CFAP99: variants seen among roughly 807,000 people sequenced by gnomAD.
The protein encoded by CFAP99 is cilia- and flagella-associated protein 99.
A neutral mutation model predicts 82.7 loss-of-function variants in CFAP99; 84 were observed. The ratio of observed to expected loss-of-function variants is 1.02; its 90% CI spans 0.85 to 1.22. The LOEUF is 1.22. CFAP99 is among the 50% of genes most tolerant of loss of function. The pLI, the probability that CFAP99 is intolerant of heterozygous loss-of-function variation, is 0.00. For synonymous variants in CFAP99, 456 were observed against 429.5 expected, an observed-to-expected ratio of 1.06 and a Z score of -0.76; for missense variants, 1,059 against 983.5, an observed-to-expected ratio of 1.08 and a Z score of -1.03.
At chr4:2,449,672 C>T (rs1734253430) in exon 7 of CFAP99, 4 of 1,536,092 alleles carry the variant, frequency 2.6e-6, no homozygotes, top group Non-Finnish European at 3.5e-6. Context: ...TTCAGCAGGT[C>T]CCCCAGAGCA....
chr4:2,449,533 C>A lies in CFAP99; in HGVS notation c.643-137C>A, dbSNP rs1291943459. On this transcript the variant is annotated intron_variant, in intron 6 of 14. Coordinates refer to ENST00000635017, the Ensembl canonical transcript of CFAP99. ...CAGCACCCGGTGGTGTTAGCTCCAG[C>A]CCTGTTTCTCCTCCAATGCAGGCCG... 44 of 732,522 alleles carry A rather than the reference C, an allele frequency of 6.0e-5. No homozygotes were observed. The East Asian group carries it at 1.1e-3, about 18-fold the overall frequency. The allele number at this position is 732,522 out of a possible 1,614,324, so 45.4% of individuals were successfully genotyped here.
intron 13 of CFAP99, among the ~76,000 whole-genome samples, 156 bp downstream of exon 13, chr4:2,459,414 C>T (rs955988118): frequency 3.5e-4 from 54 of 152,188 alleles, no homozygotes; most frequent in African/African-American, 1.1e-3. Context: ...ACCCATGTGC[C>T]GCGGGCCTGG....
chr4:2,448,955 C>T lies in CFAP99; in HGVS notation c.643-715C>T, dbSNP rs1734238679. On this transcript the variant is annotated intron_variant, in intron 6 of 14. Transcript: ENST00000635017. This position sits in a 1 kb window ranked among gnomAD's most constrained non-coding sequence, Gnocchi z 5.2. ...AGAGGTGACAAGGAGGACTCTGAGG[C>T]ATGGGTGAGGAATGGACAGCGGTCG... is the stretch of plus-strand genomic sequence containing the variant. Among the ~76,000 whole-genome samples, 1 of 152,128 alleles carries T rather than the reference C, an allele frequency of 6.6e-6. No homozygotes were observed. Among genetic ancestry groups the T allele is most frequent in the Admixed American group, 6.5e-5 (1 of 15,278 alleles).
intron 14 of CFAP99, among the ~76,000 whole-genome samples, chr4:2,460,553 G>A: frequency 6.6e-6 from 1 of 152,190 alleles, no homozygotes; most frequent in Non-Finnish European, 1.5e-5. Context: ...GTCTGCAGAA[G>A]CATTAGGAAG....
chr4:2,449,988 T>TC lies in CFAP99; in HGVS notation c.778_779insC (p.Cys260SerfsTer30). The TC allele has an allele frequency of 6.5e-7, 1 of 1,536,194 alleles. No individual in the cohort carries two copies. The highest frequency in any genetic ancestry group is 8.7e-7 in the Non-Finnish European group (1 of 1,146,906). On this transcript the variant is annotated frameshift_variant, in exon 8 of 15. Transcript: ENST00000635017. LOFTEE classifies it high-confidence loss of function. ...ACTGCGCTGCGCCATGCCCAGGTCC[T>TC]GCAGGGAGCGAGTGCAGGTACCGCC... is the stretch of plus-strand genomic sequence containing the variant.
intron 2 of CFAP99, among the ~76,000 whole-genome samples, chr4:2,432,641 C>A (rs1733821885): frequency 6.6e-6 from 1 of 152,332 alleles, no homozygotes; most frequent in East Asian, 1.9e-4. Context: ...CAGACAAGTG[C>A]ACTTCTGGAG....
chr4:2,451,992 G>T lies in CFAP99; in HGVS notation c.957-150G>T. On this transcript the variant is annotated intron_variant, in intron 10 of 14. Coordinates refer to ENST00000635017, the Ensembl canonical transcript of CFAP99. Reference sequence around the variant, plus strand: ...AGGGGATGGGTGGACAGTGGGTCGGGGATAGGAGGAAGGGCAGGCCACGCA... The same window carrying T: ...AGGGGATGGGTGGACAGTGGGTCGGTGATAGGAGGAAGGGCAGGCCACGCA... The T allele has an allele frequency of 5.4e-6, 4 of 737,932 alleles. No homozygotes were observed. In the South Asian group the frequency reaches 6.8e-5, roughly 13 times the overall value. 45.7% of individuals were successfully genotyped at this position (737,932 alleles called of 1,614,324 possible).
chr4:2,428,096 T>A (rs2108711236), intron 2 of CFAP99: 1 of 152,632 alleles, frequency 6.6e-6, no homozygotes, highest in Middle Eastern at 3.4e-3. Context: ...CGGGCCCAGG[T>A]TCATCCACAC....
chr4:2,451,287 G>A, exon 10 of CFAP99: 2 of 1,536,026 alleles, frequency 1.3e-6, no homozygotes, highest in Non-Finnish European at 1.7e-6. Flanking sequence ...TGGTCAAGCT[G>A]AACACCACAG....
intron 2 of CFAP99, chr4:2,428,823 C>A: frequency 7.1e-6 from 1 of 140,820 alleles, no homozygotes; most frequent in Non-Finnish European, 1.5e-5. Context: ...TCCTGCTCCT[C>A]CCTCCATCCT....
At chr4:2,450,145 C>G (rs1734269649) in intron 8 of CFAP99, 140 bp downstream of exon 8, 2 of 851,054 alleles carry the variant, frequency 2.4e-6, no homozygotes, top group Admixed American at 4.2e-5. Flanking sequence ...TTCCCAGTAG[C>G]ACTGGGAAAG....
At chr4:2,452,188 G>C in exon 11 of CFAP99, 3 of 1,536,160 alleles carry the variant, frequency 2.0e-6, no homozygotes, top group Non-Finnish European at 2.6e-6. Flanking sequence ...TGAGTTCTTC[G>C]AGTGGCAGAA....
chr4:2,424,478 C>T (rs1206038902), intron 1 of CFAP99, among the ~76,000 whole-genome samples: 2 of 152,158 alleles, frequency 1.3e-5, no homozygotes, highest in Admixed American at 1.3e-4. Context: ...AAAGAACAGC[C>T]CATGTCAGGC....
chr4:2,422,277 G>GC (rs1211974087), intron 1 of CFAP99, among the ~76,000 whole-genome samples: 2 of 152,126 alleles, frequency 1.3e-5, no homozygotes, highest in African/African-American at 4.8e-5. Context: ...CAGAGGCCCC[G>GC]CCCCAGGGAC....
chr4:2,437,937 G>C, intron 3 of CFAP99, 133 bp from the exon 4 acceptor site: 1 of 585,626 alleles, frequency 1.7e-6, no homozygotes, highest in South Asian at 2.0e-5. Flanking sequence ...TCATTTTCAG[G>C]TGGGCACCAA....
exon 14 of CFAP99, chr4:2,460,225 G>A (rs1734589251): frequency 5.2e-6 from 8 of 1,536,010 alleles, no homozygotes; most frequent in Non-Finnish European, 7.0e-6. Flanking sequence ...CAGCCATGGG[G>A]AGATCCGCAG....
chr4:2,462,397 G>C lies in CFAP99; in HGVS notation c.1662-46G>C, dbSNP rs558350164. The C allele has an allele frequency of 2.2e-6, 3 of 1,392,724 alleles. No individual in the cohort carries two copies. Among genetic ancestry groups the C allele is most frequent in the African/African-American group, 3.1e-5 (2 of 65,556 alleles). 86.3% of individuals were successfully genotyped at this position (1,392,724 alleles called of 1,614,324 possible). A position where few individuals can be genotyped will look rare whatever the true frequency, so the allele number is the denominator to read the frequency against. Reference sequence around the variant, plus strand: ...ACGGGTGGCATCCTGGGTCTGGCCTGGGCCTCCCGCCGGCCTGCTCCTGAG... The same window carrying C: ...ACGGGTGGCATCCTGGGTCTGGCCTCGGCCTCCCGCCGGCCTGCTCCTGAG... On this transcript the variant is annotated intron_variant, in intron 14 of 14. Transcript: ENST00000635017. The surrounding 1 kb of genome is among the most constrained non-coding windows in gnomAD (Gnocchi z 4.1).
chr4:2,436,952 G>C, exon 3 of CFAP99: 1 of 1,536,026 alleles, frequency 6.5e-7, no homozygotes, highest in African/African-American at 1.4e-5. Flanking sequence ...GCTGACCGTC[G>C]TGGTGGATGC....
chr4:2,462,894 C>A lies in CFAP99; in HGVS notation c.2113C>A (p.Pro705Thr). Residue 705 changes from proline to threonine, a missense_variant, in exon 15 of 15, where the codon CCC becomes ACC. Physicochemically the swap from Pro to Thr is conservative, Grantham distance 38 (BLOSUM62 -1). Coordinates refer to ENST00000635017, the Ensembl canonical transcript of CFAP99. This position sits in a 1 kb window ranked among gnomAD's most constrained non-coding sequence, Gnocchi z 4.1. ...GGCGCTGCAGCAGGGAGGCTCAGGA[C>A]CCGGGCCCGCGCGCCGCCTGGAGGC... The A allele has an allele frequency of 7.5e-7, 1 of 1,331,124 alleles. No individual in the cohort carries two copies. Among genetic ancestry groups the A allele is most frequent in the South Asian group, 2.0e-5 (1 of 50,190 alleles). The allele number at this position is 1,331,124 out of a possible 1,614,324, so 82.5% of individuals were successfully genotyped here. A position where few individuals can be genotyped will look rare whatever the true frequency, so the allele number is the denominator to read the frequency against.
Sources: gnomAD v4.1 joint callset for allele counts (sites outside exome capture counted in the v4.1 genomes callset) on GRCh38, gnomAD v4.1.1 for gene constraint, Gnocchi (gnomAD v3.1) non-coding constraint, MANE v1.5 for transcripts, NCBI Gene and HGNC (gene_info 2026-07-23, HGNC 2026-07-21) for gene names.